The following TEK variants were observed in gnomAD, a reference collection of about 807,000 sequenced individuals.
TEK encodes angiopoietin-1 receptor.
In TEK, 43 loss-of-function variants were observed where a neutral mutation model predicts 131.8. The observed-to-expected ratio is 0.33, with a 90% CI of 0.26 to 0.42. The LOEUF (loss-of-function observed/expected upper bound fraction) is 0.42. Among genes scored for constraint, TEK ranks in the 10% least tolerant of loss-of-function variants. The probability of loss-of-function intolerance (pLI) is 1.00; values close to 1 mark genes in which losing one functional copy is unlikely to be tolerated. For missense variants in TEK, 1,162 were observed against 1,384.4 expected, an observed-to-expected ratio of 0.84 and a Z score of 2.55; for synonymous variants, 580 against 491.6, an observed-to-expected ratio of 1.18 and a Z score of -2.38.
chr9:27,155,451 G>GGT (rs1396612999), intron 1 of TEK, among the ~76,000 whole-genome samples: 3 of 152,100 alleles, frequency 2.0e-5, no homozygotes, highest in Admixed American at 1.3e-4. Context: ...ATAAAATGCA[G>GGT]GTGTAACTCC....
rs113281115 is a variant in TEK, at chr9:27,159,894, G to C, written c.364+1752G>C. On this transcript the variant is annotated intron_variant, in intron 2 of 22. Coordinates refer to ENST00000380036, the MANE Select transcript of TEK (RefSeq NM_000459.5). ...TCTCCCCTATCAGCCACTTTGTCTG[G>C]GCTGCTGATTCCTAAAATGAAGGAG... 7.5e-3 allele frequency among the ~76,000 whole-genome samples: 1,137 copies of C among 151,886 alleles called. 13 individuals carry two copies. The highest frequency in any genetic ancestry group is 0.026 in the African/African-American group (1,078 of 41,396).
At chr9:27,146,421 C>A (rs1233771516) in intron 1 of TEK, among the ~76,000 whole-genome samples, 1 of 152,040 alleles carries the variant, frequency 6.6e-6, no homozygotes, top group Non-Finnish European at 1.5e-5. Flanking sequence ...TTGTGCTGCC[C>A]CTTTGTAGTC....
chr9:27,219,036 C>CTTTA, intron 20 of TEK, among the ~76,000 whole-genome samples: 1 of 152,202 alleles, frequency 6.6e-6, no homozygotes, highest in African/African-American at 2.4e-5. Context: ...AGGCCATGAA[C>CTTTA]TTTATTATAT....
chr9:27,220,446 T>C (rs1408840771), intron 21 of TEK, among the ~76,000 whole-genome samples: 11 of 151,152 alleles, frequency 7.3e-5, no homozygotes, highest in Non-Finnish European at 1.2e-4. Flanking sequence ...TACAACACTA[T>C]CCTTGGGGAT....
At chr9:27,172,578 C>A in intron 4 of TEK, 38 bp from the exon 5 acceptor site, 1 of 1,611,342 alleles carries the variant, frequency 6.2e-7, no homozygotes, top group Non-Finnish European at 8.5e-7. Flanking sequence ...TGAGCGAATG[C>A]GCTCTACTCA....
chr9:27,176,862 C>T (rs1259990111), intron 6 of TEK, among the ~76,000 whole-genome samples: 2 of 152,158 alleles, frequency 1.3e-5, no homozygotes, highest in East Asian at 3.9e-4. Flanking sequence ...ACCCTGTAGT[C>T]CCTGGGAACC....
chr9:27,111,929 CG>C (rs1821363520), intron 1 of TEK, among the ~76,000 whole-genome samples: 1 of 144,462 alleles, frequency 6.9e-6, no homozygotes, highest in Non-Finnish European at 1.5e-5. Flanking sequence ...GATGGAGTCT[CG>C]CTCTGTCACC....
chr9:27,211,615 C>T (rs10115251), intron 16 of TEK, among the ~76,000 whole-genome samples: 40,115 of 151,588 alleles, frequency 0.26, 5,518 homozygotes, highest in Admixed American at 0.33. Context: ...GATGCACCAC[C>T]ATGCTTGGCT....
At chr9:27,175,040 GGTTA>G (rs1371681243) in intron 6 of TEK, among the ~76,000 whole-genome samples, 1 of 149,992 alleles carries the variant, frequency 6.7e-6, no homozygotes, top group Non-Finnish European at 1.5e-5. Flanking sequence ...ACAATGTGCA[GGTTA>G]GTTACATATG....
chr9:27,156,929 A>G (rs1823351100), intron 1 of TEK, among the ~76,000 whole-genome samples: 1 of 151,646 alleles, frequency 6.6e-6, no homozygotes, highest in Non-Finnish European at 1.5e-5. Context: ...TAAAGAGGAG[A>G]GAATAGACAC....
At chr9:27,209,652 G>A (rs888546148) in intron 16 of TEK, among the ~76,000 whole-genome samples, 10 of 152,164 alleles carry the variant, frequency 6.6e-5, no homozygotes, top group Admixed American at 1.3e-4. Context: ...CAGCAATCTA[G>A]TGTAATATGA....
chr9:27,175,386 A>G (rs555214087), intron 6 of TEK, among the ~76,000 whole-genome samples: 2,493 of 150,626 alleles, frequency 0.017, 47 homozygotes, highest in African/African-American at 0.057. Flanking sequence ...CCAGTCTATC[A>G]TTGTTGGACA....
chr9:27,143,372 A>G (rs1050422614), intron 1 of TEK, among the ~76,000 whole-genome samples: 7 of 152,210 alleles, frequency 4.6e-5, no homozygotes, highest in Non-Finnish European at 1.0e-4. Context: ...CCAGTGGGAC[A>G]TAGGTAGCCA....
chr9:27,222,402 A>T (rs948126844), intron 21 of TEK, among the ~76,000 whole-genome samples: 22 of 152,172 alleles, frequency 1.4e-4, no homozygotes, highest in African/African-American at 5.3e-4. Flanking sequence ...ACCCCAAGAC[A>T]CATAAATCGT....
intron 6 of TEK, among the ~76,000 whole-genome samples, chr9:27,179,745 T>G (rs1824291972): frequency 6.7e-6 from 1 of 148,684 alleles, no homozygotes; most frequent in Non-Finnish European, 1.5e-5. Context: ...GACTTTTCTC[T>G]GACTCTTTCT....
At chr9:27,183,699 C>T (rs1413658270) in intron 8 of TEK, 89 bp downstream of exon 8, 11 of 1,504,598 alleles carry the variant, frequency 7.3e-6, no homozygotes, top group Non-Finnish European at 1.0e-5. Context: ...CCATTCAGTG[C>T]TTTTATCCTC....
chr9:27,215,059 T>A (rs1465142777), intron 18 of TEK, among the ~76,000 whole-genome samples: 3 of 152,180 alleles, frequency 2.0e-5, no homozygotes, highest in Non-Finnish European at 4.4e-5. Flanking sequence ...ACTTGGGGGA[T>A]GTGGGTACCC....
At chr9:27,160,991 T>C (rs1007414719) in intron 2 of TEK, among the ~76,000 whole-genome samples, 1 of 152,230 alleles carries the variant, frequency 6.6e-6, no homozygotes, top group Non-Finnish European at 1.5e-5. Flanking sequence ...TGATCTGAGA[T>C]TATGCCCCAG....
At chr9:27,150,397 A>G (rs113280571) in intron 1 of TEK, among the ~76,000 whole-genome samples, 1,730 of 152,286 alleles carry the variant, frequency 0.011, 44 homozygotes, top group African/African-American at 0.04. Flanking sequence ...ACTTGAGCCC[A>G]GAGGTTCGAG....
Sources: gnomAD v4.1 joint callset for allele counts (sites outside exome capture counted in the v4.1 genomes callset) on GRCh38, gnomAD v4.1.1 for gene constraint, MANE v1.5 for transcripts, NCBI Gene and HGNC (gene_info 2026-07-23, HGNC 2026-07-21) for gene names.